PHACTR1: variants seen among roughly 807,000 people sequenced by gnomAD.
PHACTR1 encodes phosphatase and actin regulator 1, also known as RPEL repeat containing 1.
A neutral mutation model predicts 69.2 loss-of-function variants in PHACTR1; 16 were observed. The observed-to-expected ratio is 0.23, with a 90% CI of 0.16 to 0.35. The LOEUF is 0.35. Ranked by LOEUF, PHACTR1 falls within the 10% of genes least tolerant of loss-of-function variation. The pLI is 1.00. For missense variants in PHACTR1, 510 were observed against 734.7 expected, an observed-to-expected ratio of 0.69 and a Z score of 3.54; for synonymous variants, 312 against 284.5, an observed-to-expected ratio of 1.10 and a Z score of -0.97.
chr6:13,055,558 C>A (rs1357350136), intron 5 of PHACTR1, among the ~76,000 whole-genome samples: 3 of 152,196 alleles, frequency 2.0e-5, no homozygotes, highest in African/African-American at 7.2e-5. Flanking sequence ...GCCATGAGGT[C>A]TCTTCCTGAC....
chr6:12,974,394 A>G (rs1327972634), intron 4 of PHACTR1, among the ~76,000 whole-genome samples: 1 of 152,058 alleles, frequency 6.6e-6, no homozygotes, highest in Non-Finnish European at 1.5e-5. Flanking sequence ...GACTTTTTCT[A>G]TCCTTCAATT....
At chr6:13,090,709 G>A (rs950161865) in intron 5 of PHACTR1, among the ~76,000 whole-genome samples, 1 of 152,086 alleles carries the variant, frequency 6.6e-6, no homozygotes, top group Non-Finnish European at 1.5e-5. Context: ...GGCCTCTTAG[G>A]TCAGCCAGCA....
chr6:13,211,099 G>A (rs1218192957), intron 8 of PHACTR1, among the ~76,000 whole-genome samples: 1 of 151,842 alleles, frequency 6.6e-6, no homozygotes, highest in Non-Finnish European at 1.5e-5. Flanking sequence ...CCCTGTTGTG[G>A]AACAACTTTT....
chr6:12,743,189 GAAAAAAA>G (rs56962574), intron 3 of PHACTR1, among the ~76,000 whole-genome samples: 6 of 136,748 alleles, frequency 4.4e-5, no homozygotes, highest in African/African-American at 1.6e-4. Flanking sequence ...TAAATTGCAG[GAAAAAAA>G]AAAAAAAAAC....
At chr6:12,868,261 GAA>G in intron 4 of PHACTR1, among the ~76,000 whole-genome samples, 1 of 136,554 alleles carries the variant, frequency 7.3e-6, no homozygotes, top group African/African-American at 2.7e-5. Context: ...ATCTCAAAAA[GAA>G]AAAAAAAAAA....
chr6:13,191,873 T>C (rs1763651031), intron 7 of PHACTR1, among the ~76,000 whole-genome samples: 1 of 152,256 alleles, frequency 6.6e-6, no homozygotes, highest in African/African-American at 2.4e-5. Context: ...TCTCCATGTT[T>C]TTCCAGTCTT....
rs1422688098 is a variant in PHACTR1, at chr6:13,275,676, CCT to C, written c.1448-2591_1448-2590del. On this transcript the variant is annotated intron_variant, in intron 11 of 14. Coordinates refer to ENST00000332995, the MANE Select transcript of PHACTR1 (RefSeq NM_030948.6). This position sits in a 1 kb window ranked among gnomAD's most constrained non-coding sequence, Gnocchi z 4.0. ...AGGGTGTGACTGGCCACTTAACACCCCTGAGGCTTCAGATCCTCAGTTATAAA... is the reference window on the plus strand; with the variant it reads ...AGGGTGTGACTGGCCACTTAACACCCGAGGCTTCAGATCCTCAGTTATAAA... 1 of 152,132 alleles carries C rather than the reference CCT, an allele frequency of 6.6e-6. No homozygotes were observed. The highest frequency in any genetic ancestry group is 1.9e-4 in the East Asian group (1 of 5,198). 9.4% of individuals were successfully genotyped at this position (152,132 alleles called of 1,614,324 possible). A position where few individuals can be genotyped will look rare whatever the true frequency, so the allele number is the denominator to read the frequency against.
At chr6:13,090,204 G>A (rs1393885654) in intron 5 of PHACTR1, among the ~76,000 whole-genome samples, 2 of 152,062 alleles carry the variant, frequency 1.3e-5, no homozygotes, top group African/African-American at 4.8e-5. Context: ...ACAGGTGCAT[G>A]CCACCATGCC....
intron 5 of PHACTR1, among the ~76,000 whole-genome samples, chr6:13,065,379 G>A (rs1428602423): frequency 6.6e-6 from 1 of 152,052 alleles, no homozygotes; most frequent in Non-Finnish European, 1.5e-5. Context: ...GGAGGGACTG[G>A]TGGTCTCGGT....
intron 4 of PHACTR1, among the ~76,000 whole-genome samples, chr6:12,806,972 G>A (rs1049089932): frequency 5.3e-5 from 8 of 152,062 alleles, no homozygotes; most frequent in African/African-American, 1.7e-4. Context: ...CATTTCATGC[G>A]TAACTATTTT....
At position 12,850,153 on chromosome 6, in the gene PHACTR1, T is replaced by G. The variant is rs548123774; in HGVS notation, c.250+100363T>G. Among the ~76,000 whole-genome samples the G allele has an allele frequency of 3.9e-5, 6 of 152,356 alleles. No individual in the cohort carries two copies. The South Asian group carries it at 1.2e-3, about 32-fold the overall frequency. On this transcript the variant is annotated intron_variant, in intron 4 of 14. Coordinates refer to ENST00000332995, the MANE Select transcript of PHACTR1 (RefSeq NM_030948.6). Reference sequence around the variant, plus strand: ...CCTCTTGCCCTGGGCAAATTTTACCTCTTTATCTCTACTCCCTATTCTTAT... The same window carrying G: ...CCTCTTGCCCTGGGCAAATTTTACCGCTTTATCTCTACTCCCTATTCTTAT...
chr6:13,068,353 A>G (rs1206697627), intron 5 of PHACTR1, among the ~76,000 whole-genome samples: 2 of 152,188 alleles, frequency 1.3e-5, no homozygotes, highest in African/African-American at 4.8e-5. Context: ...CTGGCATTCT[A>G]TAAGTTTAAG....
chr6:12,995,829 A>G (rs144807159), intron 4 of PHACTR1, among the ~76,000 whole-genome samples: 113 of 152,192 alleles, frequency 7.4e-4, no homozygotes, highest in Admixed American at 6.5e-3. Flanking sequence ...AGTAACTTAT[A>G]CATTAGTTAA....
chr6:13,259,155 G>A (rs994798808), intron 10 of PHACTR1, among the ~76,000 whole-genome samples: 3 of 152,194 alleles, frequency 2.0e-5, no homozygotes, highest in Non-Finnish European at 2.9e-5. Flanking sequence ...TGAAATGACT[G>A]TCTTAATTTC....
chr6:12,855,036 G>C (rs182093995), intron 4 of PHACTR1, among the ~76,000 whole-genome samples: 1 of 152,164 alleles, frequency 6.6e-6, no homozygotes, highest in African/African-American at 2.4e-5. Flanking sequence ...TCCCGTTAGT[G>C]GGTGTACTCT....
At position 13,283,587 on chromosome 6, in the gene PHACTR1, G is replaced by A; in HGVS notation, c.1650+25G>A. On this transcript the variant is annotated intron_variant, in intron 13 of 14. Coordinates refer to ENST00000332995, the MANE Select transcript of PHACTR1 (RefSeq NM_030948.6). This position sits in a 1 kb window ranked among gnomAD's most constrained non-coding sequence, Gnocchi z 4.7. ...AGTAAGCAGAGGGGAGTGCTGGAGA[G>A]TGGGAGGCAGGACCGTCTGCTGGGT... is the stretch of plus-strand genomic sequence containing the variant. 6.2e-7 allele frequency: 1 copy of A among 1,613,642 alleles called. No individual in the cohort carries two copies. Among genetic ancestry groups the A allele is most frequent in the South Asian group, 1.1e-5 (1 of 91,080 alleles).
chr6:13,277,814 G>T (rs1433029914), intron 11 of PHACTR1, among the ~76,000 whole-genome samples: 2 of 152,078 alleles, frequency 1.3e-5, no homozygotes, highest in African/African-American at 4.8e-5. Flanking sequence ...GTCAGGTGTG[G>T]TGGCGTGCAT....
At chr6:13,033,576 A>G (rs1349158453) in intron 4 of PHACTR1, among the ~76,000 whole-genome samples, 4 of 152,358 alleles carry the variant, frequency 2.6e-5, no homozygotes, top group Admixed American at 2.6e-4. Context: ...GCAACTGTAT[A>G]ATGCTGTTTA....
chr6:12,835,959 T>A, intron 4 of PHACTR1, among the ~76,000 whole-genome samples: 1 of 152,226 alleles, frequency 6.6e-6, no homozygotes. Context: ...AAATTTTTTT[T>A]GAAACAAAAA....
Sources: allele counts gnomAD v4.1 joint callset (sites outside exome capture counted in the v4.1 genomes callset), GRCh38; gene constraint gnomAD v4.1.1; non-coding constraint Gnocchi (gnomAD v3.1); transcripts MANE v1.5; gene names NCBI Gene and HGNC (gene_info 2026-07-23, HGNC 2026-07-21).